The following MGST2 variants were observed in gnomAD, a reference collection of about 807,000 sequenced individuals.
MGST2 encodes glutathione peroxidase MGST2.
Under a neutral mutation model 16.6 loss-of-function variants are expected in MGST2, and 9 were observed. That is an observed-to-expected ratio of 0.54 (90% CI 0.33 to 0.95). The LOEUF is 0.95. MGST2 is among the 40% of genes least tolerant of loss of function. MGST2 has a pLI of 0.03. For missense variants in MGST2, 159 were observed against 175.1 expected, an observed-to-expected ratio of 0.91 and a Z score of 0.52; for synonymous variants, 79 against 68.0, an observed-to-expected ratio of 1.16 and a Z score of -0.79.
At chr4:139,672,915 T>C (rs1730773304) in intron 1 of MGST2, among the ~76,000 whole-genome samples, 1 of 152,144 alleles carries the variant, frequency 6.6e-6, no homozygotes, top group South Asian at 2.1e-4. Flanking sequence ...AGCTTATTTG[T>C]AGCAGAAGGG....
intron 2 of MGST2, among the ~76,000 whole-genome samples, chr4:139,693,476 A>C (rs1726737350): frequency 6.6e-6 from 1 of 152,006 alleles, no homozygotes; most frequent in Non-Finnish European, 1.5e-5. Context: ...CTACTACTAC[A>C]TTTTACCTCG....
intron 5 of MGST2, among the ~76,000 whole-genome samples, chr4:139,723,492 A>G (rs1306787911): frequency 1.3e-5 from 2 of 152,096 alleles, no homozygotes; most frequent in Non-Finnish European, 2.9e-5. Flanking sequence ...TTGTATTTTT[A>G]GTAGAGACGG....
intron 5 of MGST2, among the ~76,000 whole-genome samples, chr4:139,726,484 G>A (rs964828972): frequency 6.6e-6 from 1 of 152,174 alleles, no homozygotes; most frequent in Admixed American, 6.5e-5. Flanking sequence ...GAGGGAAGGG[G>A]TTTTGACATG....
intron 5 of MGST2, chr4:139,725,860 G>C (rs751859736): frequency 1.9e-6 from 3 of 1,597,456 alleles, no homozygotes; most frequent in East Asian, 4.5e-5. Flanking sequence ...CACAAGAGGG[G>C]TGGAGAGGTG....
chr4:139,719,649 T>A, intron 5 of MGST2: 1 of 1,612,862 alleles, frequency 6.2e-7, no homozygotes, highest in Non-Finnish European at 8.5e-7. Flanking sequence ...AGCGATGGCA[T>A]CATCTGCCGA....
At chr4:139,672,948 G>T (rs1730775678) in intron 1 of MGST2, among the ~76,000 whole-genome samples, 1 of 152,108 alleles carries the variant, frequency 6.6e-6, no homozygotes, top group Non-Finnish European at 1.5e-5. Context: ...GGAAGAGCCT[G>T]CTTTGAGAGC....
intron 1 of MGST2, among the ~76,000 whole-genome samples, chr4:139,666,824 C>T (rs1730380782): frequency 6.6e-6 from 1 of 152,138 alleles, no homozygotes. Flanking sequence ...GGAAATAGGG[C>T]CAAGCCGTAG....
chr4:139,733,929 C>G (rs1579373627), intron 5 of MGST2, among the ~76,000 whole-genome samples: 1 of 152,254 alleles, frequency 6.6e-6, no homozygotes, highest in Non-Finnish European at 1.5e-5. Context: ...TGGCCTCAAA[C>G]AATCCTCCTG....
At chr4:139,703,986 T>C in intron 4 of MGST2, 30 bp from the exon 5 acceptor site, 3 of 1,613,960 alleles carry the variant, frequency 1.9e-6, no homozygotes, top group Non-Finnish European at 2.5e-6. Context: ...GTCCAGTTTG[T>C]CACTTTTCTC....
the MGST2 span, among the ~76,000 whole-genome samples, chr4:139,746,662 C>T: frequency 5.3e-5 from 8 of 152,138 alleles, no homozygotes; most frequent in Admixed American, 2.0e-4. Flanking sequence ...AACAAGATTC[C>T]GCAGACGTTT....
intron 5 of MGST2, among the ~76,000 whole-genome samples, chr4:139,714,510 A>G (rs1407029532): frequency 1.3e-5 from 2 of 152,364 alleles, no homozygotes; most frequent in East Asian, 3.9e-4. Flanking sequence ...ATAAAGGAAA[A>G]GTATTTCTTT....
At chr4:139,714,325 T>C (rs1727854967) in intron 5 of MGST2, among the ~76,000 whole-genome samples, 1 of 152,220 alleles carries the variant, frequency 6.6e-6, no homozygotes, top group African/African-American at 2.4e-5. Flanking sequence ...ACATAAACAC[T>C]GATTTTTTCC....
chr4:139,740,147 G>C (rs1272104630), intron 5 of MGST2: 1 of 152,132 alleles, frequency 6.6e-6, no homozygotes, highest in Non-Finnish European at 1.5e-5. Flanking sequence ...GAATTCTTTG[G>C]TCTACCTGGA....
At chr4:139,743,181 C>T (rs776766581), downstream of MGST2, among the ~76,000 whole-genome samples, 20 of 152,348 alleles carry the variant, frequency 1.3e-4, no homozygotes, top group Non-Finnish European at 2.5e-4. Context: ...TAAAGTTACA[C>T]GCCTCCTTTA....
intron 5 of MGST2, among the ~76,000 whole-genome samples, chr4:139,736,090 T>C (rs1249271546): frequency 6.6e-6 from 1 of 152,116 alleles, no homozygotes; most frequent in East Asian, 1.9e-4. Flanking sequence ...CCAGAAAACC[T>C]GTGCTTTTCA....
At chr4:139,733,315 A>AT (rs895080310) in intron 5 of MGST2, among the ~76,000 whole-genome samples, 2 of 152,118 alleles carry the variant, frequency 1.3e-5, no homozygotes, top group African/African-American at 2.4e-5. Flanking sequence ...CTTCAGCTTG[A>AT]TTTTTTGAGA....
chr4:139,709,618 G>A (rs1727664278), intron 5 of MGST2, among the ~76,000 whole-genome samples: 2 of 152,200 alleles, frequency 1.3e-5, no homozygotes, highest in Admixed American at 1.3e-4. Context: ...TAATTGGTAA[G>A]TGTATAGGTA....
chr4:139,709,086 T>A (rs2110922335), downstream of MGST2, among the ~76,000 whole-genome samples: 3 of 130,460 alleles, frequency 2.3e-5, 1 homozygote, highest in South Asian at 5.4e-4. Context: ...TTTTTTTTTT[T>A]TTTTTTTTTT....
At chr4:139,740,987 C>T (rs114067800), downstream of MGST2, among the ~76,000 whole-genome samples, 2,393 of 152,284 alleles carry the variant, frequency 0.016, 32 homozygotes, top group Middle Eastern at 0.041. Flanking sequence ...CCTGCTCTGC[C>T]GGTTTCCCGA....
Sources: allele counts gnomAD v4.1 joint callset (sites outside exome capture counted in the v4.1 genomes callset), GRCh38; gene constraint gnomAD v4.1.1; transcripts MANE v1.5; gene names NCBI Gene and HGNC (gene_info 2026-07-23, HGNC 2026-07-21).